The following NXPE2 variants were observed in gnomAD, a reference collection of about 807,000 sequenced individuals.
NXPE2 encodes NXPE family member 2.
Under a neutral mutation model 34.4 loss-of-function variants are expected in NXPE2, and 34 were observed. The ratio of observed to expected loss-of-function variants is 0.99; its 90% CI spans 0.75 to 1.31. NXPE2 has a LOEUF of 1.31. NXPE2 is among the 40% of genes most tolerant of loss of function. NXPE2 has a pLI of 0.00. For missense variants in NXPE2, 649 were observed against 672.5 expected, an observed-to-expected ratio of 0.97 and a Z score of 0.39; for synonymous variants, 235 against 231.3, an observed-to-expected ratio of 1.02 and a Z score of -0.15.
chr11:114,626,095 G>T, the NXPE2 span, among the ~76,000 whole-genome samples: 4 of 152,182 alleles, frequency 2.6e-5, no homozygotes, highest in Admixed American at 2.0e-4. Context: ...AGCGAGGCTG[G>T]GAGAGGGGCG....
chr11:114,591,713 A>G, the NXPE2 span, among the ~76,000 whole-genome samples: 3 of 152,100 alleles, frequency 2.0e-5, no homozygotes, highest in Non-Finnish European at 2.9e-5. Context: ...TTCACCAAAT[A>G]TACCTCAAAA....
chr11:114,507,131 G>C, the NXPE2 span, among the ~76,000 whole-genome samples: 1 of 150,640 alleles, frequency 6.6e-6, no homozygotes, highest in African/African-American at 2.4e-5. Context: ...AAAAGAAATG[G>C]ATAAATTCCT....
chr11:114,508,055 C>CA, the NXPE2 span, among the ~76,000 whole-genome samples: 1 of 152,134 alleles, frequency 6.6e-6, no homozygotes, highest in Non-Finnish European at 1.5e-5. Flanking sequence ...TCTCAGGTTA[C>CA]AAAATCAATG....
chr11:114,725,828 A>G, the NXPE2 span, among the ~76,000 whole-genome samples: 1 of 151,436 alleles, frequency 6.6e-6, no homozygotes, highest in Non-Finnish European at 1.5e-5. Flanking sequence ...TCACATCCTC[A>G]TTGTGTCTCC....
chr11:114,805,832 G>T, the NXPE2 span, among the ~76,000 whole-genome samples: 1 of 152,234 alleles, frequency 6.6e-6, no homozygotes, highest in Non-Finnish European at 1.5e-5. Flanking sequence ...CTCTCTGACA[G>T]CTTTGAAGAG....
chr11:114,482,684 A>G, the NXPE2 span, among the ~76,000 whole-genome samples: 2 of 152,130 alleles, frequency 1.3e-5, no homozygotes, highest in African/African-American at 4.8e-5. Context: ...TAGCCCCATA[A>G]TGCCATCAAC....
chr11:114,530,735 A>T, the NXPE2 span: 1 of 1,613,998 alleles, frequency 6.2e-7, no homozygotes, highest in Non-Finnish European at 8.5e-7. Flanking sequence ...TGGTGTTCAC[A>T]TGGGTGAAAG....
At chr11:114,525,477 C>T in the NXPE2 span, among the ~76,000 whole-genome samples, 312 of 152,182 alleles carry the variant, frequency 2.1e-3, no homozygotes, top group African/African-American at 7.1e-3. Context: ...TCTGCAGAGC[C>T]GGGTCCCAGA....
the NXPE2 span, among the ~76,000 whole-genome samples, chr11:114,801,418 A>G: frequency 3.9e-5 from 6 of 152,358 alleles, no homozygotes; most frequent in East Asian, 9.6e-4. Flanking sequence ...ATGAAGGAAG[A>G]AGATGAGTTG....
At chr11:114,666,221 G>A in the NXPE2 span, among the ~76,000 whole-genome samples, 5 of 151,918 alleles carry the variant, frequency 3.3e-5, no homozygotes, top group African/African-American at 4.8e-5. Context: ...CTTTGCTACC[G>A]TATAGCAGAT....
the NXPE2 span, among the ~76,000 whole-genome samples, chr11:114,610,898 C>G: frequency 6.6e-6 from 1 of 151,822 alleles, no homozygotes; most frequent in African/African-American, 2.4e-5. Context: ...CATGGGTAAT[C>G]AATGGTACCT....
At chr11:114,805,659 C>G in the NXPE2 span, among the ~76,000 whole-genome samples, 1 of 152,208 alleles carries the variant, frequency 6.6e-6, no homozygotes, top group Non-Finnish European at 1.5e-5. Context: ...CTGCCATTGC[C>G]GAGTTAGTTG....
At chr11:114,508,472 A>G in the NXPE2 span, among the ~76,000 whole-genome samples, 179 of 152,372 alleles carry the variant, frequency 1.2e-3, no homozygotes, top group African/African-American at 4.0e-3. Context: ...TGGAGGCATC[A>G]TGCTACCTGA....
rs1308451636 is a variant in NXPE2 at position 114,698,531 on chromosome 11, A to G, written c.619A>G (p.Arg207Gly). ...SEGVSALWRA[R>G]NQGCDRIIFT... ...AGGGGTATCAGCTCTCTGGAGGGCAAGGAACCAAGGATGTGATAGGATCAT... is the reference window on the plus strand; with the variant it reads ...AGGGGTATCAGCTCTCTGGAGGGCAGGGAACCAAGGATGTGATAGGATCAT... The change falls in exon 3 of 6, where the codon AGG becomes GGG. Residue 207 changes from arginine (R) to glycine (G), a missense_variant. Transcript: ENST00000389586. The G allele has an allele frequency of 1.2e-6, 2 of 1,614,156 alleles. No homozygotes were observed. Among genetic ancestry groups the G allele is most frequent in the Non-Finnish European group, 1.7e-6 (2 of 1,180,002 alleles).
chr11:114,636,892 C>T, the NXPE2 span, among the ~76,000 whole-genome samples: 1 of 152,032 alleles, frequency 6.6e-6, no homozygotes, highest in African/African-American at 2.4e-5. Flanking sequence ...AGTATATGGT[C>T]AATTTTGGAA....
the NXPE2 span, among the ~76,000 whole-genome samples, chr11:114,639,544 T>C: frequency 2.6e-5 from 4 of 151,290 alleles, no homozygotes; most frequent in African/African-American, 9.7e-5. Flanking sequence ...ATGCAGAAAT[T>C]AGCTGTCTTC....
At chr11:114,571,345 C>G in the NXPE2 span, 11 of 1,613,886 alleles carry the variant, frequency 6.8e-6, no homozygotes, top group African/African-American at 1.5e-4. Flanking sequence ...ATCTCTTTGA[C>G]TGAATAGGTC....
chr11:114,757,607 T>A, the NXPE2 span, among the ~76,000 whole-genome samples: 142,043 of 152,282 alleles, frequency 0.93, 67,087 homozygotes, highest in East Asian at 1. Context: ...GCCAGCCTTG[T>A]TCTATAGCAA....
intron 2 of NXPE2, among the ~76,000 whole-genome samples, chr11:114,694,085 G>A (rs1346670587): frequency 6.6e-6 from 1 of 152,098 alleles, no homozygotes; most frequent in Non-Finnish European, 1.5e-5. Flanking sequence ...GAGTGACATT[G>A]GTCTAAATCT....
Sources: allele counts gnomAD v4.1 joint callset (sites outside exome capture counted in the v4.1 genomes callset), GRCh38; gene constraint gnomAD v4.1.1; transcripts MANE v1.5; gene names NCBI Gene and HGNC (gene_info 2026-07-23, HGNC 2026-07-21).